DGKK: variants seen among roughly 807,000 people sequenced by gnomAD.
DGKK encodes the protein 142 kDa diacylglycerol kinase.
In DGKK, 35 loss-of-function variants were observed where a neutral mutation model predicts 92.2. That is an observed-to-expected ratio of 0.38 (90% confidence interval 0.29 to 0.50). The LOEUF (loss-of-function observed/expected upper bound fraction) is 0.50. Among genes scored for constraint, DGKK ranks in the 20% least tolerant of loss-of-function variants. DGKK has a pLI of 0.92. For missense variants in DGKK, 910 were observed against 992.2 expected (o/e 0.92, Z 1.11); for synonymous variants, 368 against 360.6 (o/e 1.02, Z -0.23).
chrX:50,414,221 A>C (rs1925372026), intron 4 of DGKK, among the ~76,000 whole-genome samples: 1 of 111,778 alleles, frequency 8.9e-6, no homozygotes, highest in Non-Finnish European at 1.9e-5. Context: ...TGGGGATATC[A>C]AAGGGTACAA....
At chrX:50,458,344 A>G (rs1219880724) in intron 1 of DGKK, among the ~76,000 whole-genome samples, 1 of 110,060 alleles carries the variant, frequency 9.1e-6, no homozygotes, top group African/African-American at 3.3e-5. Flanking sequence ...AGGACATTCT[A>G]TGGGTCTATA....
chrX:50,439,138 T>C (rs1297592660), intron 1 of DGKK, among the ~76,000 whole-genome samples: 2 of 111,801 alleles, frequency 1.8e-5, no homozygotes, highest in Non-Finnish European at 3.8e-5. Flanking sequence ...ATGAAAAAGG[T>C]ATTCTCAAAT....
chrX:50,375,350 G>C (rs187725809), intron 24 of DGKK, among the ~76,000 whole-genome samples: 1 of 111,049 alleles, frequency 9.0e-6, no homozygotes, highest in African/African-American at 3.3e-5. Flanking sequence ...TAGGAAAATA[G>C]GAAATATGCA....
In DGKK at chrX:50,390,268, G is replaced by A; in HGVS notation, c.1926+60C>T. The A allele has an allele frequency of 2.7e-6, 3 of 1,098,840 alleles. No individual in the cohort carries two copies. In the Admixed American group the frequency reaches 6.6e-5, roughly 24 times the overall value. The allele number at this position is 1,098,840 out of a possible 1,213,427, so 90.6% of individuals were successfully genotyped here. A position where few individuals can be genotyped will look rare whatever the true frequency, so the allele number is the denominator to read the frequency against. On this transcript the variant is annotated intron_variant, in intron 12 of 27. Transcript: ENST00000611977. ...ATGCAAAAGCTTCTCTCTGGGTTTT[G>A]CCAATTATTTCACTGAGTAATAAAG...
intron 24 of DGKK, 96 bp downstream of exon 24, chrX:50,375,928 A>G (rs1428037302): frequency 5.9e-6 from 6 of 1,023,378 alleles, no homozygotes; most frequent in Non-Finnish European, 7.9e-6. Flanking sequence ...ATATTTGCCC[A>G]GTTTCTCCGT....
At chrX:50,374,474 G>A (rs1924220162) in intron 25 of DGKK, among the ~76,000 whole-genome samples, 1 of 111,441 alleles carries the variant, frequency 9.0e-6, no homozygotes, top group Non-Finnish European at 1.9e-5. Flanking sequence ...GTTGTTTGAG[G>A]ACACCTAGTT....
rs574334633 is a variant in DGKK, at chrX:50,465,204, G to A, written c.645+4830C>T. Among the ~76,000 whole-genome samples, 107 of 111,018 alleles carry A rather than the reference G, an allele frequency of 9.6e-4. 2 individuals carry two copies. The South Asian group carries it at 0.039, about 40-fold the overall frequency. On this transcript the variant is annotated intron_variant, in intron 1 of 27. Coordinates refer to ENST00000611977, the MANE Select transcript of DGKK (RefSeq NM_001013742.4). ...TTTCATCTTAAAATTTTTCTTTGGG[G>A]GATATAAGTTCCATGGGCTTTGATG... is the stretch of plus-strand genomic sequence containing the variant.
intron 1 of DGKK, among the ~76,000 whole-genome samples, chrX:50,462,324 G>T (rs2147152877): frequency 9.3e-6 from 1 of 107,915 alleles, no homozygotes; most frequent in East Asian, 3.0e-4. Flanking sequence ...GGTGCCATTT[G>T]AGAGGGATAG....
At chrX:50,401,952 A>C in intron 7 of DGKK, among the ~76,000 whole-genome samples, 1 of 111,708 alleles carries the variant, frequency 9.0e-6, no homozygotes, top group Admixed American at 9.5e-5. Flanking sequence ...TAGGAGGTTC[A>C]GCAGAATACC....
chrX:50,377,984 G>T, intron 22 of DGKK, 114 bp downstream of exon 22: 1 of 931,981 alleles, frequency 1.1e-6, no homozygotes, highest in Non-Finnish European at 1.5e-6. Flanking sequence ...TGACTCTGAT[G>T]CCAGGGGCAC....
At chrX:50,386,088 T>C (rs1293982576) in intron 15 of DGKK, among the ~76,000 whole-genome samples, 1 of 111,657 alleles carries the variant, frequency 9.0e-6, no homozygotes, top group Non-Finnish European at 1.9e-5. Context: ...CATCTATTAA[T>C]ATAATTGTAT....
At position 50,370,924 on chromosome X, in the gene DGKK, C is replaced by G. The variant is rs782060351; in HGVS notation, c.3613-375G>C. Among the ~76,000 whole-genome samples the G allele has an allele frequency of 5.3e-5, 6 of 112,601 alleles. No homozygotes were observed. In the East Asian group the frequency reaches 1.7e-3, roughly 32 times the overall value. The stretch of plus-strand genomic sequence containing the variant: ...AAGGATGAGATTGCTAGCGCCACTG[C>G]TAGCTCACATGGAATCTCTGCATGA... On this transcript the variant is annotated intron_variant, in intron 26 of 27. Transcript: ENST00000611977.
intron 4 of DGKK, 91 bp from the exon 5 acceptor site, chrX:50,404,275 G>A (rs182539034): frequency 2.1e-4 from 219 of 1,031,096 alleles, no homozygotes; most frequent in Non-Finnish European, 2.7e-4. Flanking sequence ...GTCTAAAATG[G>A]CCTGCTGTAT....
chrX:50,457,623 G>A (rs1331448144), intron 1 of DGKK, among the ~76,000 whole-genome samples: 3 of 111,764 alleles, frequency 2.7e-5, no homozygotes, highest in African/African-American at 9.8e-5. Context: ...TTAAAGTTAT[G>A]TAGAATTAGC....
chrX:50,450,337 T>C (rs972816817), intron 1 of DGKK, among the ~76,000 whole-genome samples: 9 of 112,045 alleles, frequency 8.0e-5, no homozygotes, highest in African/African-American at 2.9e-4. Flanking sequence ...CCAACTGCCA[T>C]TTATAAAACA....
intron 1 of DGKK, among the ~76,000 whole-genome samples, chrX:50,435,083 A>G (rs1188814947): frequency 8.9e-6 from 1 of 112,369 alleles, no homozygotes; most frequent in Non-Finnish European, 1.9e-5. Flanking sequence ...TTGTAACACA[A>G]TGGTATTTGT....
intron 1 of DGKK, among the ~76,000 whole-genome samples, chrX:50,438,129 G>A (rs1926081430): frequency 9.0e-6 from 1 of 110,554 alleles, no homozygotes; most frequent in Admixed American, 9.6e-5. Flanking sequence ...AAGGGAGATG[G>A]CAGGGGAGAG....
chrX:50,388,401 G>T, intron 13 of DGKK, 126 bp downstream of exon 13: 1 of 493,531 alleles, frequency 2.0e-6, no homozygotes, highest in Non-Finnish European at 3.4e-6. Flanking sequence ...GGTTTGAGTT[G>T]GGAGAAATCT....
intron 25 of DGKK, among the ~76,000 whole-genome samples, chrX:50,374,282 T>G (rs1045822204): frequency 2.7e-5 from 3 of 111,462 alleles, no homozygotes; most frequent in Non-Finnish European, 5.7e-5. Flanking sequence ...GAGAACATCA[T>G]GTGAAGATAG....
Sources: gnomAD v4.1 joint callset for allele counts (sites outside exome capture counted in the v4.1 genomes callset) on GRCh38, gnomAD v4.1.1 for gene constraint, MANE v1.5 for transcripts, NCBI Gene and HGNC (gene_info 2026-07-23, HGNC 2026-07-21) for gene names.